Variants in ESYT2 observed in about 807,000 individuals in gnomAD.
The protein encoded by ESYT2 is extended synaptotagmin 2, also known as extended synaptotagmin-2.
ESYT2 carries 54 observed loss-of-function variants against 107.2 expected under a neutral mutation model. The observed-to-expected ratio is 0.50, with a 90% CI of 0.40 to 0.63. The LOEUF (loss-of-function observed/expected upper bound fraction) is 0.63, where lower values mean the gene tolerates loss of function less well. ESYT2 is among the 30% of genes least tolerant of loss of function. The pLI is 0.00. For synonymous variants in ESYT2, 491 were observed against 434.1 expected, an observed-to-expected ratio of 1.13 and a Z score of -1.63; for missense variants, 1,020 against 1,094.5, an observed-to-expected ratio of 0.93 and a Z score of 0.96.
intron 3 of ESYT2, among the ~76,000 whole-genome samples, chr7:158,795,581 C>A (rs900840207): frequency 3.4e-5 from 4 of 116,162 alleles, no homozygotes; most frequent in African/African-American, 1.1e-4. Context: ...GCAGCCCCTG[C>A]GGCCACGTAC....
chr7:158,734,618 G>A, intron 21 of ESYT2, 147 bp from the exon 22 acceptor site: 1 of 696,062 alleles, frequency 1.4e-6, no homozygotes, highest in East Asian at 2.8e-5. Flanking sequence ...GTGAAACCTT[G>A]TCTCTATTAA....
intron 20 of ESYT2, 78 bp from the exon 21 acceptor site, chr7:158,735,686 CAT>C: frequency 8.6e-7 from 1 of 1,167,956 alleles, no homozygotes; most frequent in South Asian, 1.3e-5. Flanking sequence ...CATTTCTGCT[CAT>C]GAGATCATTC....
At chr7:158,745,686 A>C (rs1258784612) in intron 16 of ESYT2, among the ~76,000 whole-genome samples, 1 of 141,120 alleles carries the variant, frequency 7.1e-6, no homozygotes, top group Non-Finnish European at 1.5e-5. Context: ...TCAATAATAG[A>C]AAGATTAAAA....
intron 16 of ESYT2, among the ~76,000 whole-genome samples, chr7:158,744,620 T>G (rs1041636916): frequency 6.6e-6 from 1 of 152,222 alleles, no homozygotes. Flanking sequence ...CATCTCAGCC[T>G]CCCAAAGTAC....
In ESYT2 at chr7:158,764,690, T is replaced by C. The variant is rs780869446; in HGVS notation, c.1088A>G (p.Asn363Ser). Residue 363 changes from asparagine (N) to serine (S), a missense_variant, in exon 9 of 23, where the codon AAT becomes AGT. Asn to Ser is a conservative substitution (Grantham distance 46). Coordinates refer to ENST00000275418, the MANE Select transcript of ESYT2 (RefSeq NM_001367773.1). ...VIKENLSPKW[N>S]EVYEALVYEH... is the part of the protein sequence containing the mutation. ...ACGACACCCCACCTCATAGACTTCA[T>C]TCCACTTTGGACTGAGGTTCTCCTT... 2 of 1,614,078 alleles carry C rather than the reference T, an allele frequency of 1.2e-6. No individual in the cohort carries two copies. Among genetic ancestry groups the C allele is most frequent in the Non-Finnish European group, 1.7e-6 (2 of 1,179,954 alleles).
intron 6 of ESYT2, among the ~76,000 whole-genome samples, chr7:158,774,222 C>T (rs944501339): frequency 7.2e-5 from 11 of 152,096 alleles, no homozygotes; most frequent in South Asian, 2.1e-4. Flanking sequence ...GGTTGCAATC[C>T]CTTTTTGGTT....
In ESYT2 at chr7:158,814,282, A is replaced by C. The variant is rs557008420; in HGVS notation, c.330+14807T>G. On this transcript the variant is annotated intron_variant, in intron 1 of 22. Coordinates refer to ENST00000275418, the MANE Select transcript of ESYT2 (RefSeq NM_001367773.1). ...GAGCGAGACTCCGTCTCAAAAAAAA[A>C]AAAATTATATATATATATATATATA... is the stretch of plus-strand genomic sequence containing the variant. Among the ~76,000 whole-genome samples, 81 of 119,148 alleles carry C rather than the reference A, an allele frequency of 6.8e-4. 1 individual carries two copies. The highest frequency in any genetic ancestry group is 2.3e-3 in the African/African-American group (74 of 31,572). 78.2% of individuals were successfully genotyped at this position (119,148 alleles called of 152,430 possible).
intron 16 of ESYT2, 129 bp from the exon 17 acceptor site, chr7:158,743,807 G>A (rs372446769): frequency 9.0e-7 from 1 of 1,105,112 alleles, no homozygotes. Flanking sequence ...GGGGCCAGGT[G>A]GGGTGGCTCA....
chr7:158,774,813 C>T (rs950501663), intron 6 of ESYT2, among the ~76,000 whole-genome samples: 1 of 152,202 alleles, frequency 6.6e-6, no homozygotes, highest in Non-Finnish European at 1.5e-5. Context: ...CCTCACACAG[C>T]GCACCATCAG....
At chr7:158,754,843 T>G (rs1220079968) in intron 13 of ESYT2, among the ~76,000 whole-genome samples, 1 of 152,114 alleles carries the variant, frequency 6.6e-6, no homozygotes, top group Non-Finnish European at 1.5e-5. Context: ...GTTCTTGGTG[T>G]TGTCTTAATT....
intron 8 of ESYT2, among the ~76,000 whole-genome samples, chr7:158,765,772 A>T (rs565400806): frequency 4.6e-5 from 7 of 152,092 alleles, no homozygotes; most frequent in African/African-American, 1.7e-4. Context: ...AACCAAATAT[A>T]GTCCTTTCCC....
chr7:158,743,393 C>T (rs938073425), intron 17 of ESYT2, 136 bp downstream of exon 17: 18 of 1,095,328 alleles, frequency 1.6e-5, no homozygotes, highest in Admixed American at 3.1e-5. Context: ...CTCCCTGCAC[C>T]GGCGCCCTCC....
chr7:158,761,223 T>G (rs1837947820), intron 11 of ESYT2, among the ~76,000 whole-genome samples: 1 of 152,224 alleles, frequency 6.6e-6, no homozygotes. Flanking sequence ...CATATTTGTC[T>G]GCAATAACGT....
intron 14 of ESYT2, among the ~76,000 whole-genome samples, chr7:158,751,146 T>C (rs930338700): frequency 3.9e-5 from 6 of 152,186 alleles, no homozygotes; most frequent in African/African-American, 1.4e-4. Flanking sequence ...ATATACCTTT[T>C]TGGGGGAGGT....
intron 7 of ESYT2, among the ~76,000 whole-genome samples, chr7:158,769,890 G>A (rs770547233): frequency 1.3e-5 from 2 of 151,946 alleles, no homozygotes; most frequent in African/African-American, 4.8e-5. Context: ...ATTTCATTAT[G>A]TTAAGTTCAT....
At chr7:158,805,852 CCTT>C (rs1839809926) in intron 1 of ESYT2, among the ~76,000 whole-genome samples, 1 of 152,224 alleles carries the variant, frequency 6.6e-6, no homozygotes, top group Admixed American at 6.5e-5. Flanking sequence ...CATGGTCACT[CCTT>C]GACTTTCTCA....
intron 13 of ESYT2, among the ~76,000 whole-genome samples, chr7:158,754,540 T>C (rs536989562): frequency 1.1e-4 from 17 of 152,146 alleles, no homozygotes; most frequent in African/African-American, 4.1e-4. Flanking sequence ...CCAAAATAAC[T>C]TGCACAAAGC....
intron 1 of ESYT2, among the ~76,000 whole-genome samples, chr7:158,826,850 A>G (rs1840465766): frequency 6.8e-6 from 1 of 146,718 alleles, no homozygotes; most frequent in Non-Finnish European, 1.5e-5. Flanking sequence ...CAGTTCTTCA[A>G]TAGGGCAGCA....
rs117331855 is a variant in ESYT2, at chr7:158,774,424, A to G, written c.748-1028T>C. Among the ~76,000 whole-genome samples the G allele has an allele frequency of 5.5e-3, 841 of 152,354 alleles. 3 individuals are homozygous for G. Among genetic ancestry groups the G allele is most frequent in the Middle Eastern group, 0.02 (6 of 294 alleles). On this transcript the variant is annotated intron_variant, in intron 6 of 22. Transcript: ENST00000275418. The stretch of plus-strand genomic sequence containing the variant: ...CTAATCTTCAAACTGGATTGCAAAC[A>G]TCAGTATCAACCTATGCTTTACCTC...
Sources: gnomAD v4.1 joint callset for allele counts (sites outside exome capture counted in the v4.1 genomes callset) on GRCh38, gnomAD v4.1.1 for gene constraint, MANE v1.5 for transcripts, NCBI Gene and HGNC (gene_info 2026-07-23, HGNC 2026-07-21) for gene names.